Variants in PDE4B observed in about 807,000 individuals in gnomAD.
PDE4B encodes the protein 3',5'-cyclic-AMP phosphodiesterase 4B.
PDE4B carries 20 observed loss-of-function variants against 82.2 expected under a neutral mutation model. The observed-to-expected ratio is 0.24, with a 90% CI of 0.17 to 0.35. The LOEUF (loss-of-function observed/expected upper bound fraction) is 0.35, where lower values mean the gene tolerates loss of function less well. Ranked by LOEUF, PDE4B falls within the 10% of genes least tolerant of loss-of-function variation. The pLI is 1.00. For missense variants in PDE4B, 655 were observed against 907.2 expected (o/e 0.72, Z 3.57); for synonymous variants, 320 against 318.9 (o/e 1.00, Z -0.04).
intron 3 of PDE4B, among the ~76,000 whole-genome samples, chr1:66,157,849 T>C (rs1401344875): frequency 6.6e-6 from 1 of 152,110 alleles, no homozygotes; most frequent in Non-Finnish European, 1.5e-5. Flanking sequence ...AGAAGTCAAG[T>C]GTTTTTTTTT....
rs145826895 is a variant in PDE4B, at chr1:66,096,520, A to ATATATATGTATATATATATATATG, written c.282-150933_282-150932insGTATATATATATATATGTATATAT. 1.2e-4 allele frequency among the ~76,000 whole-genome samples: 16 copies of ATATATATGTATATATATATATATG among 130,968 alleles called. No individual in the cohort carries two copies. In the East Asian group the frequency reaches 3.3e-3, roughly 27 times the overall value. The allele number at this position is 130,968 out of a possible 152,430, so 85.9% of individuals were successfully genotyped here. A position where few individuals can be genotyped will look rare whatever the true frequency, so the allele number is the denominator to read the frequency against. On this transcript the variant is annotated intron_variant, in intron 3 of 16. Coordinates refer to ENST00000341517, the MANE Select transcript of PDE4B (RefSeq NM_002600.4). ...TAAGTAAAAAAAATTATATATATAT[A>ATATATATGTATATATATATATATG]TATATATATATATATATATATACTG...
At chr1:66,197,999 T>C (rs1557626572) in intron 3 of PDE4B, among the ~76,000 whole-genome samples, 3 of 152,172 alleles carry the variant, frequency 2.0e-5, no homozygotes, top group South Asian at 2.1e-4. Context: ...TTTAATACTT[T>C]CTTTGCAAAG....
intron 1 of PDE4B, among the ~76,000 whole-genome samples, chr1:65,837,811 T>TGA (rs889257935): frequency 6.6e-6 from 1 of 151,818 alleles, no homozygotes; most frequent in Non-Finnish European, 1.5e-5. Context: ...TGTGTGTGTG[T>TGA]GAGAGAGAGA....
chr1:65,892,407 T>C (rs552231662), intron 1 of PDE4B, among the ~76,000 whole-genome samples: 125 of 152,244 alleles, frequency 8.2e-4, no homozygotes, highest in African/African-American at 2.6e-3. Context: ...GATCAGGATC[T>C]TGTTTTACTG....
At chr1:65,956,509 T>TTAGATGTAGATATAGAAAGAAGTA (rs1373111575) in intron 3 of PDE4B, among the ~76,000 whole-genome samples, 2 of 152,114 alleles carry the variant, frequency 1.3e-5, no homozygotes, top group African/African-American at 4.8e-5. Flanking sequence ...ATATACTGTT[T>TTAGATGTAGATATAGAAAGAAGTA]TAGATGTAGA....
chr1:65,887,695 G>A (rs964823298), intron 1 of PDE4B, among the ~76,000 whole-genome samples: 2 of 151,764 alleles, frequency 1.3e-5, no homozygotes, highest in African/African-American at 4.8e-5. Context: ...TGGGATTACA[G>A]GCATGAGCCA....
chr1:66,020,284 GTA>G (rs1472739958), intron 3 of PDE4B, among the ~76,000 whole-genome samples: 1 of 151,940 alleles, frequency 6.6e-6, no homozygotes, highest in Non-Finnish European at 1.5e-5. Context: ...AGGATTCCTG[GTA>G]TATAGCATTA....
intron 3 of PDE4B, among the ~76,000 whole-genome samples, chr1:66,110,413 A>C (rs900799621): frequency 3.3e-5 from 5 of 152,030 alleles, no homozygotes; most frequent in Non-Finnish European, 7.4e-5. Context: ...AAAGTGAAAA[A>C]GGTCAATGAA....
chr1:66,367,914 T>C (rs779759161), intron 14 of PDE4B, 29 bp from the exon 15 acceptor site: 12 of 1,613,196 alleles, frequency 7.4e-6, no homozygotes, highest in South Asian at 6.6e-5. Context: ...CTGAATTTAT[T>C]AAGAGTTTTC....
intron 7 of PDE4B, among the ~76,000 whole-genome samples, chr1:66,270,894 T>C (rs1655428454): frequency 1.3e-5 from 2 of 152,278 alleles, no homozygotes; most frequent in South Asian, 4.1e-4. Flanking sequence ...AATGGAATAA[T>C]TGCCTTAATT....
At chr1:66,118,635 C>T (rs1376089593) in intron 3 of PDE4B, among the ~76,000 whole-genome samples, 1 of 152,042 alleles carries the variant, frequency 6.6e-6, no homozygotes, top group African/African-American at 2.4e-5. Flanking sequence ...TTAATGGGTG[C>T]AGCACACCAA....
chr1:65,824,200 A>T (rs904588904), intron 1 of PDE4B, among the ~76,000 whole-genome samples: 1 of 152,138 alleles, frequency 6.6e-6, no homozygotes, highest in Non-Finnish European at 1.5e-5. Flanking sequence ...AAGGTCAATA[A>T]CTGAGTCTTC....
intron 3 of PDE4B, among the ~76,000 whole-genome samples, chr1:65,976,305 T>G (rs994837131): frequency 2.3e-4 from 35 of 152,366 alleles, no homozygotes; most frequent in Admixed American, 1.4e-3. Context: ...CCCTTTGGTT[T>G]GGCTGCTTTC....
chr1:65,946,011 G>A (rs867987931), intron 3 of PDE4B, among the ~76,000 whole-genome samples: 1 of 151,840 alleles, frequency 6.6e-6, no homozygotes, highest in Non-Finnish European at 1.5e-5. Flanking sequence ...CTGTTTTTCA[G>A]TGCTACTCTG....
intron 8 of PDE4B, among the ~76,000 whole-genome samples, chr1:66,348,775 A>G (rs1340752643): frequency 6.6e-6 from 1 of 151,640 alleles, no homozygotes; most frequent in Non-Finnish European, 1.5e-5. Flanking sequence ...ATGTGGAAAC[A>G]TAATATAGTT....
intron 3 of PDE4B, among the ~76,000 whole-genome samples, chr1:66,210,396 G>C (rs1397922965): frequency 6.6e-6 from 1 of 151,928 alleles, no homozygotes; most frequent in Non-Finnish European, 1.5e-5. Flanking sequence ...AAGAGATTGA[G>C]ACCAGCCTGA....
chr1:66,099,628 T>C (rs1300445519), intron 3 of PDE4B, among the ~76,000 whole-genome samples: 2 of 152,150 alleles, frequency 1.3e-5, no homozygotes, highest in African/African-American at 4.8e-5. Context: ...ATAGTTGATA[T>C]TCAGTAAACT....
chr1:66,144,122 C>A (rs1009188238), intron 3 of PDE4B, among the ~76,000 whole-genome samples: 3 of 152,306 alleles, frequency 2.0e-5, no homozygotes, highest in African/African-American at 7.2e-5. Flanking sequence ...AAGTTACAAG[C>A]CCTAAGAATT....
intron 3 of PDE4B, among the ~76,000 whole-genome samples, chr1:66,162,058 T>C (rs1646624429): frequency 6.6e-6 from 1 of 152,002 alleles, no homozygotes; most frequent in Admixed American, 6.6e-5. Context: ...TGAATGGTGC[T>C]AGTTTTAATT....
Sources: gnomAD v4.1 joint callset for allele counts (sites outside exome capture counted in the v4.1 genomes callset) on GRCh38, gnomAD v4.1.1 for gene constraint, MANE v1.5 for transcripts, NCBI Gene and HGNC (gene_info 2026-07-23, HGNC 2026-07-21) for gene names.